SACM1L: variants seen among roughly 807,000 people sequenced by gnomAD.
SACM1L encodes the protein phosphatidylinositol-3-phosphatase SAC1.
Under a neutral mutation model 89.5 loss-of-function variants are expected in SACM1L, and 32 were observed. That is an observed-to-expected ratio of 0.36 (90% CI 0.27 to 0.48). The LOEUF (loss-of-function observed/expected upper bound fraction) is 0.48, where lower values mean the gene tolerates loss of function less well. Among genes scored for constraint, SACM1L ranks in the 20% least tolerant of loss-of-function variants. SACM1L has a pLI of 0.99. For synonymous variants in SACM1L, 213 were observed against 232.8 expected (o/e 0.92, Z 0.77); for missense variants, 543 against 708.5 (o/e 0.77, Z 2.65).
In SACM1L at chr3:45,719,540, T is replaced by C; in HGVS notation, c.618T>C (p.Phe206=). 1 of 1,612,358 alleles carries C rather than the reference T, an allele frequency of 6.2e-7. No homozygotes were observed. Among genetic ancestry groups the C allele is most frequent in the Non-Finnish European group, 8.5e-7 (1 of 1,179,104 alleles). The change falls in exon 8 of 20, where the codon TTT becomes TTC. Residue 206 remains phenylalanine, a synonymous_variant. Transcript: ENST00000389061. The stretch of plus-strand genomic sequence containing the variant: ...CATGTTCTATTAATGGAAAATACTT[T>C]GATTGGATTCTCATCTCGAGGAGGA... ...MHSCSINGKY[F]DWILISRRSC... is the part of the protein sequence containing the mutation.
intron 1 of SACM1L, among the ~76,000 whole-genome samples, chr3:45,691,208 T>A (rs544005975): frequency 1.3e-5 from 2 of 152,224 alleles, no homozygotes. Flanking sequence ...TGAAAGTCAT[T>A]CTCTCATTTG....
chr3:45,702,083 T>A (rs185462476), intron 1 of SACM1L, among the ~76,000 whole-genome samples: 7 of 152,360 alleles, frequency 4.6e-5, no homozygotes, highest in African/African-American at 1.7e-4. Flanking sequence ...TTTGTTGTAT[T>A]GATTTTCCTT....
intron 7 of SACM1L, among the ~76,000 whole-genome samples, chr3:45,716,985 T>C (rs1698676757): frequency 6.6e-6 from 1 of 152,224 alleles, no homozygotes; most frequent in Admixed American, 6.5e-5. Context: ...TTTAGCTCTC[T>C]AAGAGCAGGC....
At chr3:45,699,241 C>A (rs1005888545) in intron 1 of SACM1L, among the ~76,000 whole-genome samples, 4 of 151,558 alleles carry the variant, frequency 2.6e-5, no homozygotes, top group African/African-American at 7.3e-5. Context: ...ATGTAACTAA[C>A]CTGCACAATG....
At chr3:45,707,528 A>C (rs1448537829) in intron 4 of SACM1L, among the ~76,000 whole-genome samples, 3 of 152,214 alleles carry the variant, frequency 2.0e-5, no homozygotes, top group African/African-American at 7.2e-5. Flanking sequence ...AGAGAAATTG[A>C]AATTGAACAT....
Position 45,715,706 on chromosome 3 carries a change from G to A in SACM1L, c.577+1627G>A, listed in dbSNP as rs1969623. On this transcript the variant is annotated intron_variant, in intron 7 of 19. Coordinates refer to ENST00000389061, the MANE Select transcript of SACM1L (RefSeq NM_014016.5). The stretch of plus-strand genomic sequence containing the variant: ...GGAATATTGCTTGAACCCAGGAGAC[G>A]GAGGTTGCAGTGAGCCGAGATCGTG... 5.6e-3 allele frequency among the ~76,000 whole-genome samples: 856 copies of A among 151,692 alleles called. 25 individuals carry two copies. Among genetic ancestry groups the A allele is most frequent in the Admixed American group, 0.052 (786 of 15,248 alleles).
In SACM1L at chr3:45,722,215, A is replaced by C; in HGVS notation, c.765+130A>C. 6 of 615,336 alleles carry C rather than the reference A, an allele frequency of 9.8e-6. No homozygotes were observed. In the South Asian group the frequency reaches 1.4e-4, roughly 14 times the overall value. 38.1% of individuals were successfully genotyped at this position (615,336 alleles called of 1,614,324 possible). ...TGTAATATTTTTATCTATGGTGCAG[A>C]AAAAGTTCACCCCAAAAAAGGAAAA... On this transcript the variant is annotated intron_variant, in intron 9 of 19. Transcript: ENST00000389061.
At chr3:45,725,651 A>G (rs1373842625) in intron 11 of SACM1L, among the ~76,000 whole-genome samples, 2 of 150,722 alleles carry the variant, frequency 1.3e-5, no homozygotes, top group South Asian at 4.2e-4. Context: ...GTGAACAGAG[A>G]TAATTTTATG....
intron 11 of SACM1L, 25 bp downstream of exon 11, chr3:45,723,568 G>C: frequency 1.6e-6 from 2 of 1,276,396 alleles, no homozygotes; most frequent in Non-Finnish European, 1.1e-6. Flanking sequence ...TTTCTTGGGG[G>C]GAAAAAAAAG....
chr3:45,712,490 C>T (rs1166648570), intron 5 of SACM1L, among the ~76,000 whole-genome samples: 5 of 152,194 alleles, frequency 3.3e-5, no homozygotes, highest in African/African-American at 1.2e-4. Flanking sequence ...CCTGCCTTGG[C>T]CTCTCAAAGT....
intron 2 of SACM1L, 33 bp from the exon 3 acceptor site, chr3:45,705,102 A>G (rs769666487): frequency 5.6e-6 from 8 of 1,416,124 alleles, no homozygotes; most frequent in South Asian, 2.4e-5. Context: ...AGCTTTTTGT[A>G]TGTGATTTTT....
At position 45,722,945 on chromosome 3, in the gene SACM1L, T is replaced by C. The variant is rs759014418; in HGVS notation, c.842T>C (p.Val281Ala). 6.2e-7 allele frequency: 1 copy of C among 1,613,070 alleles called. No individual in the cohort carries two copies. Among genetic ancestry groups the C allele is most frequent in the South Asian group, 1.1e-5 (1 of 91,018 alleles). Reference protein sequence around the residue: ...KYKPLPQISKVANHMDGFQRH... With the variant: ...KYKPLPQISKAANHMDGFQRH... ...AAACCACTGCCACAGATCAGCAAAG[T>C]AGCAAATCACGTGTGTATCTTGCAT... The change falls in exon 10 of 20, where the codon GTA (valine) becomes GCA (alanine). Residue 281 changes from valine to alanine, a missense_variant. Val to Ala is a moderately conservative substitution (Grantham distance 64). Transcript: ENST00000389061.
At chr3:45,694,875 T>G (rs1185614275) in intron 1 of SACM1L, among the ~76,000 whole-genome samples, 1 of 152,198 alleles carries the variant, frequency 6.6e-6, no homozygotes, top group African/African-American at 2.4e-5. Flanking sequence ...TTGGACCTAG[T>G]CCTGTGAAGA....
chr3:45,696,522 A>G (rs373627617), intron 1 of SACM1L, among the ~76,000 whole-genome samples: 51 of 152,210 alleles, frequency 3.4e-4, no homozygotes, highest in African/African-American at 1.1e-3. Context: ...TTCTATTTTT[A>G]ATTTTTAATG....
At chr3:45,735,171 GA>G in intron 13 of SACM1L, 63 bp from the exon 14 acceptor site, 1 of 1,446,474 alleles carries the variant, frequency 6.9e-7, no homozygotes, top group East Asian at 2.3e-5. Context: ...CATGTTATAA[GA>G]GTTAAGTCCT....
At chr3:45,710,979 C>T (rs2673036) in intron 5 of SACM1L, among the ~76,000 whole-genome samples, 73,341 of 151,822 alleles carry the variant, frequency 0.48, 18,255 homozygotes, top group Middle Eastern at 0.57. Context: ...ACTATACTAG[C>T]CCCTGGGGAC....
chr3:45,694,659 A>G (rs1698081256), intron 1 of SACM1L, among the ~76,000 whole-genome samples: 1 of 152,220 alleles, frequency 6.6e-6, no homozygotes, highest in African/African-American at 2.4e-5. Flanking sequence ...CATTAGGCCT[A>G]CTGAGTGAAA....
intron 11 of SACM1L, among the ~76,000 whole-genome samples, chr3:45,724,586 CT>C (rs999796688): frequency 1.5e-4 from 23 of 152,156 alleles, no homozygotes; most frequent in African/African-American, 5.5e-4. Context: ...TTCTCCCACT[CT>C]TTAGGTTGAT....
At chr3:45,693,693 C>G (rs754405137) in intron 1 of SACM1L, among the ~76,000 whole-genome samples, 9 of 152,176 alleles carry the variant, frequency 5.9e-5, no homozygotes, top group Non-Finnish European at 1.3e-4. Context: ...TACCAGATTG[C>G]TCTCGCATTA....
Sources: allele counts gnomAD v4.1 joint callset (sites outside exome capture counted in the v4.1 genomes callset), GRCh38; gene constraint gnomAD v4.1.1; transcripts MANE v1.5; gene names NCBI Gene and HGNC (gene_info 2026-07-23, HGNC 2026-07-21).